The following OR2A12 variants were observed in gnomAD, a reference collection of about 807,000 sequenced individuals.
OR2A12 encodes olfactory receptor family 2 subfamily A member 12, also known as olfactory receptor 2A12.
For missense variants in OR2A12, 380 were observed against 372.5 expected (o/e 1.02, Z -0.17); for synonymous variants, 153 against 149.3 (o/e 1.02, Z -0.18).
chr7:144,096,290 A>G lies in OR2A12; in HGVS notation c.*250A>G, dbSNP rs1003568671. ...ACCAACATGGCGAAACACTGTCTCTATTAAAAATACAAAAATTAGCCGGGC... is the reference window on the plus strand; with the variant it reads ...ACCAACATGGCGAAACACTGTCTCTGTTAAAAATACAAAAATTAGCCGGGC... On this transcript the variant is annotated 3_prime_UTR_variant, in exon 2 of 2. Coordinates refer to ENST00000641592, the MANE Select transcript of OR2A12 (RefSeq NM_001004135.2). The G allele has an allele frequency of 9.5e-5, 26 of 273,078 alleles. No homozygotes were observed. In the East Asian group the frequency reaches 1.8e-3, roughly 19 times the overall value. 16.9% of individuals were successfully genotyped at this position (273,078 alleles called of 1,614,324 possible).
intron 1 of OR2A12, 132 bp from the exon 2 acceptor site, chr7:144,094,925 A>G (rs1317559991): frequency 2.0e-6 from 1 of 500,332 alleles, no homozygotes; most frequent in Non-Finnish European, 3.5e-6. Flanking sequence ...GATTTTAAAT[A>G]TCTCTAAAAG....
At position 144,098,053 on chromosome 7, in the gene OR2A12, C is replaced by T. The variant is rs1353224812; in HGVS notation, c.*2013C>T. Reference sequence around the variant, plus strand: ...AGGGCATAAAAAGTGAAAGGACAAGCCACAAAATCTTCTGGAAGACTTTCT... The same window carrying T: ...AGGGCATAAAAAGTGAAAGGACAAGTCACAAAATCTTCTGGAAGACTTTCT... On this transcript the variant is annotated 3_prime_UTR_variant, in exon 2 of 2. Coordinates refer to ENST00000641592, the MANE Select transcript of OR2A12 (RefSeq NM_001004135.2). 1 of 152,072 alleles carries T rather than the reference C, an allele frequency of 6.6e-6. No individual in the cohort carries two copies. The highest frequency in any genetic ancestry group is 2.4e-5 in the African/African-American group (1 of 41,376). The allele number at this position is 152,072 out of a possible 1,614,324, so 9.4% of individuals were successfully genotyped here.
At chr7:144,094,352 A>G (rs2051247103) in intron 1 of OR2A12, among the ~76,000 whole-genome samples, 1 of 152,156 alleles carries the variant, frequency 6.6e-6, no homozygotes, top group Admixed American at 6.6e-5. Flanking sequence ...GCAAGCCAAT[A>G]GTTGTTTTAA....
rs1267612443 is a variant in OR2A12, at chr7:144,095,773, G to C, written c.666G>C (p.Val222=). 1 of 1,614,056 alleles carries C rather than the reference G, an allele frequency of 6.2e-7. No homozygotes were observed. Among genetic ancestry groups the C allele is most frequent in the Non-Finnish European group, 8.5e-7 (1 of 1,180,020 alleles). ...LVLVSYLHIL[V]AILRIQSGEG... ...TGGTCTCCTACTTGCACATCCTGGT[G>C]GCCATCTTGAGGATCCAGTCTGGGG... The change falls in exon 2 of 2, where the codon GTG becomes GTC. Residue 222 remains valine, a synonymous_variant. Coordinates refer to ENST00000641592, the MANE Select transcript of OR2A12 (RefSeq NM_001004135.2).
intron 1 of OR2A12, 138 bp downstream of exon 1, chr7:144,086,681 T>C (rs1224140440): frequency 1.3e-5 from 2 of 152,252 alleles, no homozygotes; most frequent in African/African-American, 4.8e-5. Flanking sequence ...CTACCCAACC[T>C]GCTTCAGGTG....
In OR2A12 at chr7:144,098,506, G is replaced by A. The variant is rs1459701866; in HGVS notation, c.*2466G>A. 6.6e-6 allele frequency: 1 copy of A among 152,134 alleles called. No homozygotes were observed. Among genetic ancestry groups the A allele is most frequent in the Non-Finnish European group, 1.5e-5 (1 of 68,024 alleles). 9.4% of individuals were successfully genotyped at this position (152,134 alleles called of 1,614,324 possible). A position where few individuals can be genotyped will look rare whatever the true frequency, so the allele number is the denominator to read the frequency against. On this transcript the variant is annotated 3_prime_UTR_variant, in exon 2 of 2. Coordinates refer to ENST00000641592, the MANE Select transcript of OR2A12 (RefSeq NM_001004135.2). ...ATAATTTCTATTTTGCACATGAGAA[G>A]ATCGAGGAACACAGAGGTTGAGTAA...
chr7:144,091,208 T>C (rs1382428498), intron 1 of OR2A12, among the ~76,000 whole-genome samples: 4 of 152,214 alleles, frequency 2.6e-5, no homozygotes, highest in Non-Finnish European at 5.9e-5. Context: ...CTGGTCAACA[T>C]GGTGAAACCC....
In OR2A12 at chr7:144,095,573, C is replaced by G. The variant is rs756983592; in HGVS notation, c.466C>G (p.Leu156Val). 4 of 1,614,110 alleles carry G rather than the reference C, an allele frequency of 2.5e-6. No individual in the cohort carries two copies. Among genetic ancestry groups the G allele is most frequent in the Non-Finnish European group, 3.4e-6 (4 of 1,179,992 alleles). The change falls in exon 2 of 2, where the codon CTG becomes GTG. Residue 156 changes from leucine (L) to valine (V), a missense_variant. Transcript: ENST00000641592. Reference protein sequence around the residue: ...TCWIFSFLLALVHITLILRLP... With the variant: ...TCWIFSFLLAVVHITLILRLP... ...CTGGATATTTAGCTTTCTCTTGGCT[C>G]TGGTCCATATTACTCTTATTCTGAG...
intron 1 of OR2A12, among the ~76,000 whole-genome samples, chr7:144,087,711 A>G (rs1360811677): frequency 6.6e-6 from 1 of 152,244 alleles, no homozygotes; most frequent in Non-Finnish European, 1.5e-5. Flanking sequence ...ATGGAAAAGG[A>G]AAACAGAATC....
In OR2A12 at chr7:144,095,765, A is replaced by G. The variant is rs1331849748; in HGVS notation, c.658A>G (p.Ile220Val). The part of the protein sequence containing the change: ...LCLVLVSYLH[I>V]LVAILRIQSG... ...CCTGGTGCTGGTCTCCTACTTGCACATCCTGGTGGCCATCTTGAGGATCCA... is the reference window on the plus strand; with the variant it reads ...CCTGGTGCTGGTCTCCTACTTGCACGTCCTGGTGGCCATCTTGAGGATCCA... The change falls in exon 2 of 2, where the codon ATC becomes GTC. Residue 220 changes from isoleucine to valine, a missense_variant. Transcript: ENST00000641592. 6.2e-7 allele frequency: 1 copy of G among 1,614,080 alleles called. No individual in the cohort carries two copies. The highest frequency in any genetic ancestry group is 1.7e-5 in the Admixed American group (1 of 60,026).
Position 144,096,288 on chromosome 7 carries a change from C to T in OR2A12, c.*248C>T, listed in dbSNP as rs910559706. ...TAACCAACATGGCGAAACACTGTCT[C>T]TATTAAAAATACAAAAATTAGCCGG... On this transcript the variant is annotated 3_prime_UTR_variant, in exon 2 of 2. Transcript: ENST00000641592. The T allele has an allele frequency of 1.1e-5, 3 of 276,894 alleles. No homozygotes were observed. Among genetic ancestry groups the T allele is most frequent in the African/African-American group, 6.7e-5 (3 of 44,996 alleles). 17.2% of individuals were successfully genotyped at this position (276,894 alleles called of 1,614,324 possible). A position where few individuals can be genotyped will look rare whatever the true frequency, so the allele number is the denominator to read the frequency against.
intron 1 of OR2A12, among the ~76,000 whole-genome samples, chr7:144,092,282 G>A (rs2051232372): frequency 6.6e-6 from 1 of 152,092 alleles, no homozygotes; most frequent in Admixed American, 6.6e-5. Flanking sequence ...AAGTCAAATA[G>A]CATGATGCCT....
In OR2A12 at chr7:144,095,423, T is replaced by C. The variant is rs766870056; in HGVS notation, c.316T>C (p.Phe106Leu). 1 of 1,614,046 alleles carries C rather than the reference T, an allele frequency of 6.2e-7. No homozygotes were observed. The highest frequency in any genetic ancestry group is 2.2e-5 in the East Asian group (1 of 44,874). ...ACTTCAGACTTTTTTGTATTTGGCGTTTGCTATTACAGAGTGTCTGATTTT... is the reference window on the plus strand; with the variant it reads ...ACTTCAGACTTTTTTGTATTTGGCGCTTGCTATTACAGAGTGTCTGATTTT... ...CILQTFLYLAFAITECLILVM... is the reference protein window; with the variant it reads ...CILQTFLYLALAITECLILVM... Residue 106 changes from phenylalanine (F) to leucine (L), a missense_variant, in exon 2 of 2, where the codon TTT becomes CTT. Physicochemically the swap from Phe to Leu is conservative, Grantham distance 22. Coordinates refer to ENST00000641592, the MANE Select transcript of OR2A12 (RefSeq NM_001004135.2).
chr7:144,088,647 A>G (rs1409104207), intron 1 of OR2A12, among the ~76,000 whole-genome samples: 1 of 152,242 alleles, frequency 6.6e-6, no homozygotes, highest in East Asian at 1.9e-4. Context: ...TAATGTATAC[A>G]TGCATATATA....
chr7:144,093,224 T>C (rs946402126), intron 1 of OR2A12, among the ~76,000 whole-genome samples: 5 of 152,130 alleles, frequency 3.3e-5, no homozygotes, highest in Non-Finnish European at 7.4e-5. Flanking sequence ...TTCTCGAACA[T>C]TTTTGGTGAA....
intron 1 of OR2A12, among the ~76,000 whole-genome samples, chr7:144,087,435 A>C (rs971310339): frequency 6.6e-6 from 1 of 152,200 alleles, no homozygotes; most frequent in Non-Finnish European, 1.5e-5. Context: ...ATCAGATCCT[A>C]GAGTGGGATA....
Position 144,095,265 on chromosome 7 carries a change from G to A in OR2A12, c.158G>A (p.Arg53Lys), listed in dbSNP as rs202032338. The A allele has an allele frequency of 8.1e-5, 131 of 1,613,902 alleles. No homozygotes were observed. The highest frequency in any genetic ancestry group is 1.0e-4 in the Non-Finnish European group (122 of 1,180,024). ...CTGGGGCTCATCTACTTGGACTCTA[G>A]ACTGCACACACCCATGTATGTCTTC... Reference protein sequence around the residue: ...IILGLIYLDSRLHTPMYVFLS... With the variant: ...IILGLIYLDSKLHTPMYVFLS... Residue 53 changes from arginine (R) to lysine (K), a missense_variant, in exon 2 of 2, where the codon AGA (arginine) becomes AAA (lysine). Arg to Lys is a conservative substitution (Grantham distance 26, BLOSUM62 2). Transcript: ENST00000641592.
chr7:144,093,869 G>C (rs1194095669), intron 1 of OR2A12, among the ~76,000 whole-genome samples: 1 of 151,642 alleles, frequency 6.6e-6, no homozygotes, highest in African/African-American at 2.4e-5. Flanking sequence ...TCTTAATCCA[G>C]TCTATCATTG....
Position 144,095,415 on chromosome 7 carries a change from A to G in OR2A12, c.308A>G (p.Tyr103Cys). ...FAPCILQTFL[Y>C]LAFAITECLI... is the part of the protein sequence containing the mutation. ...CCTTGCATACTTCAGACTTTTTTGT[A>G]TTTGGCGTTTGCTATTACAGAGTGT... Residue 103 changes from tyrosine to cysteine, a missense_variant, in exon 2 of 2, where the codon TAT becomes TGT. By Grantham distance (194) the Tyr-to-Cys change is radical. Transcript: ENST00000641592. 6.2e-7 allele frequency: 1 copy of G among 1,613,958 alleles called. No individual in the cohort carries two copies.
Sources: gnomAD v4.1 joint callset for allele counts (sites outside exome capture counted in the v4.1 genomes callset) on GRCh38, gnomAD v4.1.1 for gene constraint, MANE v1.5 for transcripts, NCBI Gene and HGNC (gene_info 2026-07-23, HGNC 2026-07-21) for gene names.